The following CHD2 variants were observed in gnomAD, a reference collection of about 807,000 sequenced individuals.
The protein encoded by CHD2 is ATP-dependent chromatin remodeler CHD2.
Under a neutral mutation model 243.9 loss-of-function variants are expected in CHD2, and 28 were observed. That is an observed-to-expected ratio of 0.11 (90% CI 0.09 to 0.16). The LOEUF is 0.16. CHD2 is among the 10% of genes least tolerant of loss of function. The pLI, the probability that CHD2 is intolerant of heterozygous loss-of-function variation, is 1.00. For synonymous variants in CHD2, 775 were observed against 779.0 expected (o/e 0.99, Z 0.09); for missense variants, 1,386 against 2,209.8 (o/e 0.63, Z 7.47).
intron 13 of CHD2, chr15:92,950,282 G>A (rs2053535948): frequency 6.6e-6 from 1 of 152,190 alleles, no homozygotes; most frequent in Non-Finnish European, 1.5e-5. Flanking sequence ...AAAAGAAACT[G>A]TTATTTCTAA....
At chr15:92,937,428 G>T in intron 5 of CHD2, 90 bp from the exon 6 acceptor site, 1 of 874,360 alleles carries the variant, frequency 1.1e-6, no homozygotes, top group South Asian at 1.7e-5. Flanking sequence ...TCTGCCCTTT[G>T]GATAGTAAAA....
At chr15:92,905,061 T>C (rs1221774427) in intron 2 of CHD2, 3 of 1,429,374 alleles carry the variant, frequency 2.1e-6, no homozygotes, top group African/African-American at 1.4e-5. Context: ...GATAGTTTAG[T>C]AGAAAATAGA....
At chr15:92,986,518 A>G (rs879380314) in intron 26 of CHD2, among the ~76,000 whole-genome samples, 1 of 152,202 alleles carries the variant, frequency 6.6e-6, no homozygotes, top group Non-Finnish European at 1.5e-5. Flanking sequence ...AGCATGTAAC[A>G]CATCCCCTCT....
In CHD2 at chr15:92,997,923, AT is replaced by A. The variant is rs2054206899; in HGVS notation, c.3885+524del. The A allele has an allele frequency of 6.5e-6, 1 of 153,870 alleles. No homozygotes were observed. 9.5% of individuals were successfully genotyped at this position (153,870 alleles called of 1,614,324 possible). A position where few individuals can be genotyped will look rare whatever the true frequency, so the allele number is the denominator to read the frequency against. Reference sequence around the variant, plus strand: ...AAGCAGGGAAGGCTGACTGGCTCAAATTTTGGTAGGATTTGCTCCATGTTGT... The same window carrying A: ...AAGCAGGGAAGGCTGACTGGCTCAAATTTGGTAGGATTTGCTCCATGTTGT... On this transcript the variant is annotated intron_variant, in intron 30 of 38. Coordinates refer to ENST00000394196, the MANE Select transcript of CHD2 (RefSeq NM_001271.4). This position sits in a 1 kb window ranked among gnomAD's most constrained non-coding sequence, Gnocchi z 4.1.
chr15:92,947,060 T>C (rs1490706243), intron 12 of CHD2: 1 of 152,240 alleles, frequency 6.6e-6, no homozygotes, highest in East Asian at 1.9e-4. Context: ...TGGAATTTAT[T>C]CCATCAGGAA....
chr15:92,909,730 A>G (rs1401475014), intron 2 of CHD2, among the ~76,000 whole-genome samples: 1 of 151,986 alleles, frequency 6.6e-6, no homozygotes, highest in African/African-American at 2.4e-5. Flanking sequence ...GGTTTGGACC[A>G]TGTTGCCCAG....
chr15:93,014,802 A>G lies in CHD2; in HGVS notation c.4799A>G (p.Asn1600Ser). 6.2e-7 allele frequency: 1 copy of G among 1,614,000 alleles called. No homozygotes were observed. Among genetic ancestry groups the G allele is most frequent in the African/African-American group, 1.3e-5 (1 of 74,968 alleles). ...SLISQSHTSHNLHPQKPHLPA... is the reference protein window; with the variant it reads ...SLISQSHTSHSLHPQKPHLPA... ...ATATCTCAGTCCCATACCTCACACA[A>G]CCTTCACCCTCAGAAGCCTCATTTG... is the stretch of plus-strand genomic sequence containing the variant. The change falls in exon 37 of 39, where the codon AAC becomes AGC. Residue 1600 changes from asparagine to serine, a missense_variant. Physicochemically the swap from Asn to Ser is conservative, Grantham distance 46. Transcript: ENST00000394196.
chr15:93,016,447 G>A (rs1220163238), intron 37 of CHD2, among the ~76,000 whole-genome samples: 1 of 152,166 alleles, frequency 6.6e-6, no homozygotes, highest in Non-Finnish European at 1.5e-5. Context: ...CATGGTGACT[G>A]TAGTTAATAA....
At chr15:92,971,370 A>T (rs992986175) in intron 17 of CHD2, among the ~76,000 whole-genome samples, 3 of 152,184 alleles carry the variant, frequency 2.0e-5, no homozygotes, top group African/African-American at 4.8e-5. Flanking sequence ...CACATTTAGG[A>T]TTCTCAGCCT....
chr15:92,964,907 T>A (rs935838893), intron 16 of CHD2, among the ~76,000 whole-genome samples: 9 of 152,238 alleles, frequency 5.9e-5, no homozygotes, highest in African/African-American at 2.2e-4. Flanking sequence ...AATTTTTACT[T>A]CTGTCGTCTA....
intron 4 of CHD2, among the ~76,000 whole-genome samples, chr15:92,928,783 G>C (rs1015473314): frequency 1.3e-5 from 2 of 152,204 alleles, no homozygotes; most frequent in African/African-American, 4.8e-5. Context: ...GGATATTGCT[G>C]TTCTGGAAGT....
chr15:92,940,655 A>G (rs2053346427), intron 7 of CHD2, among the ~76,000 whole-genome samples: 1 of 151,132 alleles, frequency 6.6e-6, no homozygotes, highest in Admixed American at 6.6e-5. Flanking sequence ...ATGCTAGTGT[A>G]TAGCCTAGCA....
intron 24 of CHD2, 131 bp from the exon 25 acceptor site, chr15:92,984,199 A>C: frequency 3.2e-6 from 2 of 634,696 alleles, no homozygotes; most frequent in Non-Finnish European, 4.6e-6. Flanking sequence ...AAAATTGATT[A>C]TCTGATTATG....
In CHD2 at chr15:93,026,863, A is replaced by AG. The variant is rs780321468; in HGVS notation, c.*2162dup. The AG allele has an allele frequency of 3.9e-5, 6 of 152,630 alleles. No individual in the cohort carries two copies. Among genetic ancestry groups the AG allele is most frequent in the African/African-American group, 9.7e-5 (4 of 41,446 alleles). The allele number at this position is 152,630 out of a possible 1,614,324, so 9.5% of individuals were successfully genotyped here. A position where few individuals can be genotyped will look rare whatever the true frequency, so the allele number is the denominator to read the frequency against. ...GGTAGTGTCCTTCAGGAATGAAAGG[A>AG]GGGGCAAAGGAGTCACCAGAGGTCC... On this transcript the variant is annotated 3_prime_UTR_variant, in exon 39 of 39. Coordinates refer to ENST00000394196, the MANE Select transcript of CHD2 (RefSeq NM_001271.4).
intron 20 of CHD2, among the ~76,000 whole-genome samples, chr15:92,977,343 A>G (rs764457935): frequency 6.6e-6 from 1 of 152,228 alleles, no homozygotes; most frequent in East Asian, 1.9e-4. Flanking sequence ...CTATTAGAAC[A>G]TGGAGACCTT....
chr15:92,919,712 C>G (rs1361676857), intron 2 of CHD2, among the ~76,000 whole-genome samples: 1 of 152,142 alleles, frequency 6.6e-6, no homozygotes, highest in East Asian at 1.9e-4. Context: ...TTTAAAAACA[C>G]TCATTCAAAT....
intron 14 of CHD2, 99 bp downstream of exon 14, chr15:92,953,672 A>G: frequency 1.9e-6 from 2 of 1,075,702 alleles, no homozygotes; most frequent in Middle Eastern, 2.7e-4. Context: ...ATTTGTGGTT[A>G]TTATTCTGAT....
At chr15:92,969,739 A>C (rs573147481) in intron 17 of CHD2, among the ~76,000 whole-genome samples, 1 of 152,158 alleles carries the variant, frequency 6.6e-6, no homozygotes, top group Non-Finnish European at 1.5e-5. Flanking sequence ...ACACCAAGCT[A>C]ATTCATTCTA....
chr15:92,905,219 C>A (rs2052598460), intron 2 of CHD2, among the ~76,000 whole-genome samples: 1 of 152,144 alleles, frequency 6.6e-6, no homozygotes, highest in East Asian at 1.9e-4. Flanking sequence ...ATAGTGGGGT[C>A]ACTTGGCCAA....
Sources: allele counts gnomAD v4.1 joint callset (sites outside exome capture counted in the v4.1 genomes callset), GRCh38; gene constraint gnomAD v4.1.1; non-coding constraint Gnocchi (gnomAD v3.1); transcripts MANE v1.5; gene names NCBI Gene and HGNC (gene_info 2026-07-23, HGNC 2026-07-21).